The following COL5A2 variants were observed in gnomAD, a reference collection of about 807,000 sequenced individuals.
COL5A2 encodes collagen type V alpha 2 chain.
Under a neutral mutation model 208.2 loss-of-function variants are expected in COL5A2, and 23 were observed. The observed-to-expected ratio is 0.11, with a 90% CI of 0.08 to 0.16. COL5A2 has a LOEUF of 0.16. Among genes scored for constraint, COL5A2 ranks in the 10% least tolerant of loss-of-function variants. The probability of loss-of-function intolerance (pLI) is 1.00; values close to 1 mark genes in which losing one functional copy is unlikely to be tolerated. For synonymous variants in COL5A2, 625 were observed against 628.5 expected, an observed-to-expected ratio of 0.99 and a Z score of 0.08; for missense variants, 1,590 against 1,956.4, an observed-to-expected ratio of 0.81 and a Z score of 3.53.
At chr2:189,035,648 C>T (rs1033624271) in intron 52 of COL5A2, among the ~76,000 whole-genome samples, 48 of 152,140 alleles carry the variant, frequency 3.2e-4, no homozygotes, top group African/African-American at 1.0e-3. Context: ...TCAGCACTCC[C>T]ATTTGGGGGT....
chr2:189,245,437 C>T, the COL5A2 span, among the ~76,000 whole-genome samples: 410 of 151,596 alleles, frequency 2.7e-3, 2 homozygotes, highest in African/African-American at 9.4e-3. Context: ...TATGGTATGC[C>T]TACTATATCT....
chr2:189,307,946 A>C, the COL5A2 span, among the ~76,000 whole-genome samples: 1 of 152,010 alleles, frequency 6.6e-6, no homozygotes, highest in African/African-American at 2.4e-5. Flanking sequence ...GGAATGGCCT[A>C]CTCTGTTCTA....
At chr2:189,046,402 GA>G (rs1339679113) in intron 45 of COL5A2, among the ~76,000 whole-genome samples, 1 of 152,062 alleles carries the variant, frequency 6.6e-6, no homozygotes, top group African/African-American at 2.4e-5. Context: ...TTTTGTAAAA[GA>G]AAAGCAGAAA....
chr2:189,330,526 G>A, the COL5A2 span, among the ~76,000 whole-genome samples: 9 of 152,252 alleles, frequency 5.9e-5, no homozygotes, highest in East Asian at 1.9e-4. Context: ...GGGGCAGAGC[G>A]GAGAGCAAAG....
At chr2:189,141,551 C>T (rs899268520) in intron 1 of COL5A2, among the ~76,000 whole-genome samples, 4 of 152,008 alleles carry the variant, frequency 2.6e-5, no homozygotes, top group African/African-American at 4.8e-5. Flanking sequence ...TTTATGGCTC[C>T]GGTTAAAGAT....
chr2:189,404,551 T>C, the COL5A2 span, among the ~76,000 whole-genome samples: 1 of 152,198 alleles, frequency 6.6e-6, no homozygotes, highest in Non-Finnish European at 1.5e-5. Context: ...TGAGACTGAA[T>C]TGCACCACTG....
At chr2:189,063,713 A>G (rs1012964717) in intron 26 of COL5A2, among the ~76,000 whole-genome samples, 2 of 152,342 alleles carry the variant, frequency 1.3e-5, no homozygotes, top group Admixed American at 1.3e-4. Context: ...AATTTCACCA[A>G]CATTAAAAAC....
At chr2:189,364,878 C>A in the COL5A2 span, among the ~76,000 whole-genome samples, 2,576 of 152,190 alleles carry the variant, frequency 0.017, 74 homozygotes, top group African/African-American at 0.059. Flanking sequence ...AAACTATGAA[C>A]CTTAGTTAAT....
chr2:189,389,278 C>A, the COL5A2 span, among the ~76,000 whole-genome samples: 2 of 152,094 alleles, frequency 1.3e-5, no homozygotes, highest in African/African-American at 4.8e-5. Context: ...CAGCAATATC[C>A]AGCATATGAT....
At chr2:189,061,737 T>A in intron 29 of COL5A2, 122 bp from the exon 30 acceptor site, 1 of 797,458 alleles carries the variant, frequency 1.3e-6, no homozygotes, top group Non-Finnish European at 2.1e-6. Flanking sequence ...GTTTTTCTCT[T>A]TAGCCAGGTA....
At chr2:189,140,032 C>T (rs1488023388) in intron 1 of COL5A2, among the ~76,000 whole-genome samples, 5 of 151,224 alleles carry the variant, frequency 3.3e-5, no homozygotes, top group Non-Finnish European at 4.4e-5. Flanking sequence ...AAGATGGCGC[C>T]GCTGCACTCC....
chr2:189,158,814 T>C (rs891702784), intron 1 of COL5A2, among the ~76,000 whole-genome samples: 2 of 152,154 alleles, frequency 1.3e-5, no homozygotes, highest in African/African-American at 4.8e-5. Flanking sequence ...TCTAGACTTA[T>C]TACCAAAACT....
the COL5A2 span, among the ~76,000 whole-genome samples, chr2:189,359,573 T>C: frequency 2.0e-5 from 3 of 152,344 alleles, no homozygotes; most frequent in South Asian, 4.1e-4. Flanking sequence ...AGGGTAATGT[T>C]AGCTTCATAG....
chr2:189,201,994 A>G (rs1689085552), intron 1 of COL5A2, among the ~76,000 whole-genome samples: 1 of 151,168 alleles, frequency 6.6e-6, no homozygotes, highest in African/African-American at 2.4e-5. Flanking sequence ...TATATATATT[A>G]TATATGCACA....
the COL5A2 span, among the ~76,000 whole-genome samples, chr2:189,296,260 T>A: frequency 6.6e-6 from 1 of 152,198 alleles, no homozygotes; most frequent in Non-Finnish European, 1.5e-5. Flanking sequence ...ATATTTTTTT[T>A]ATTCTAGGAC....
At chr2:189,104,760 G>A (rs942979630) in intron 2 of COL5A2, among the ~76,000 whole-genome samples, 1 of 151,482 alleles carries the variant, frequency 6.6e-6, no homozygotes, top group African/African-American at 2.4e-5. Flanking sequence ...TTGGTTTCTC[G>A]TATGTTGTTC....
intron 1 of COL5A2, among the ~76,000 whole-genome samples, chr2:189,111,198 T>A (rs1223265222): frequency 8.6e-5 from 13 of 151,672 alleles, no homozygotes; most frequent in Admixed American, 8.5e-4. Flanking sequence ...ACATTACAAT[T>A]TAAGAAAGTT....
intron 52 of COL5A2, among the ~76,000 whole-genome samples, chr2:189,036,324 A>T (rs1366822169): frequency 6.6e-6 from 1 of 152,052 alleles, no homozygotes; most frequent in Non-Finnish European, 1.5e-5. Flanking sequence ...CTTCTGGTAC[A>T]CTCCATAGTC....
At chr2:189,419,685 A>G in the COL5A2 span, among the ~76,000 whole-genome samples, 1 of 151,922 alleles carries the variant, frequency 6.6e-6, no homozygotes, top group African/African-American at 2.4e-5. Context: ...AGTCCTAGCT[A>G]CTGGAAAGAC....
Sources: gnomAD v4.1 joint callset for allele counts (sites outside exome capture counted in the v4.1 genomes callset) on GRCh38, gnomAD v4.1.1 for gene constraint, MANE v1.5 for transcripts, NCBI Gene and HGNC (gene_info 2026-07-23, HGNC 2026-07-21) for gene names.